TMCO4: variants seen among roughly 807,000 people sequenced by gnomAD.
The protein encoded by TMCO4 is transmembrane and coiled-coil domains 4, also known as transmembrane and coiled-coil domain-containing protein 4.
In TMCO4, 58 loss-of-function variants were observed where a neutral mutation model predicts 64.7. The ratio of observed to expected loss-of-function variants is 0.90; its 90% confidence interval spans 0.73 to 1.12. TMCO4 has a LOEUF of 1.12. TMCO4 is among the 50% of genes most tolerant of loss of function. The probability of loss-of-function intolerance (pLI) is 0.00; values close to 1 mark genes in which losing one functional copy is unlikely to be tolerated. For missense variants in TMCO4, 780 were observed against 825.9 expected, an observed-to-expected ratio of 0.94 and a Z score of 0.68; for synonymous variants, 325 against 346.1, an observed-to-expected ratio of 0.94 and a Z score of 0.68.
intron 3 of TMCO4, 144 bp from the exon 4 acceptor site, chr1:19,780,910 G>C (rs2043442338): frequency 1.5e-6 from 1 of 680,570 alleles, no homozygotes; most frequent in Non-Finnish European, 2.4e-6. Flanking sequence ...CTTTAGGAGA[G>C]TGAGAACACA....
intron 13 of TMCO4, among the ~76,000 whole-genome samples, chr1:19,726,218 C>T (rs935223803): frequency 1.3e-5 from 2 of 152,122 alleles, no homozygotes; most frequent in South Asian, 2.1e-4. Context: ...TGTAACCCAA[C>T]GTGGTGAGCT....
In TMCO4 at chr1:19,743,319, T is replaced by C. The variant is rs13374637; in HGVS notation, c.877+2213A>G. On this transcript the variant is annotated intron_variant, in intron 10 of 15. Coordinates refer to ENST00000294543, the MANE Select transcript of TMCO4 (RefSeq NM_181719.7). The surrounding 1 kb of genome is among the most constrained non-coding windows in gnomAD (Gnocchi z 4.1). Reference sequence around the variant, plus strand: ...CCAGTGCATAGGAAGGGCTTGGTGGTTGGCTACAAAGTTTTTATCTTTATT... The same window carrying C: ...CCAGTGCATAGGAAGGGCTTGGTGGCTGGCTACAAAGTTTTTATCTTTATT... Among the ~76,000 whole-genome samples the C allele has an allele frequency of 8.9e-3, 1,349 of 152,258 alleles. 12 individuals carry two copies. Among genetic ancestry groups the C allele is most frequent in the African/African-American group, 0.029 (1,195 of 41,538 alleles).
intron 3 of TMCO4, among the ~76,000 whole-genome samples, chr1:19,786,292 G>GACA (rs2043740509): frequency 6.6e-6 from 1 of 151,984 alleles, no homozygotes; most frequent in South Asian, 2.1e-4. Flanking sequence ...AGAAAAAACA[G>GACA]ACAACAACAA....
chr1:19,705,507 C>A (rs1007898283), intron 13 of TMCO4, among the ~76,000 whole-genome samples: 1 of 149,352 alleles, frequency 6.7e-6, no homozygotes, highest in African/African-American at 2.5e-5. Context: ...ACACAATAGT[C>A]GATGAGATAA....
chr1:19,683,527 T>G, intron 15 of TMCO4, 83 bp from the exon 16 acceptor site: 1 of 1,505,970 alleles, frequency 6.6e-7, no homozygotes, highest in Non-Finnish European at 9.0e-7. Flanking sequence ...CTTCTGGGCC[T>G]CAGCCTTGCC....
At chr1:19,685,187 A>T (rs1348545797) in intron 15 of TMCO4, among the ~76,000 whole-genome samples, 1 of 152,196 alleles carries the variant, frequency 6.6e-6, no homozygotes, top group Non-Finnish European at 1.5e-5. Flanking sequence ...TTAGCTGGGC[A>T]TGGTGGCGTG....
At chr1:19,765,821 A>G (rs1158072741) in intron 6 of TMCO4, among the ~76,000 whole-genome samples, 3 of 152,184 alleles carry the variant, frequency 2.0e-5, no homozygotes, top group African/African-American at 7.2e-5. Flanking sequence ...GTTCTGAGAA[A>G]TGCAGCTTTT....
chr1:19,772,231 C>G (rs890761396), intron 4 of TMCO4, among the ~76,000 whole-genome samples: 3 of 152,214 alleles, frequency 2.0e-5, no homozygotes, highest in Non-Finnish European at 4.4e-5. Context: ...CCGGATCCAC[C>G]TGCAGAAGTG....
chr1:19,692,635 T>C (rs2095205375), intron 15 of TMCO4, among the ~76,000 whole-genome samples: 1 of 150,058 alleles, frequency 6.7e-6, no homozygotes, highest in Admixed American at 6.6e-5. Context: ...TAATCCCAGC[T>C]ATTTGGGAGG....
intron 9 of TMCO4, 42 bp from the exon 10 acceptor site, chr1:19,745,693 G>A: frequency 6.4e-7 from 1 of 1,567,396 alleles, no homozygotes; most frequent in Non-Finnish European, 8.7e-7. Context: ...GGTGACTGGG[G>A]CCCCGGGGAA....
intron 7 of TMCO4, among the ~76,000 whole-genome samples, chr1:19,753,551 T>C (rs1247220819): frequency 6.6e-6 from 1 of 152,140 alleles, no homozygotes; most frequent in Non-Finnish European, 1.5e-5. Flanking sequence ...AGAGTCACCT[T>C]GGTCGGCCCA....
intron 15 of TMCO4, among the ~76,000 whole-genome samples, chr1:19,691,413 G>A (rs1439836413): frequency 1.3e-5 from 2 of 152,214 alleles, no homozygotes; most frequent in African/African-American, 4.8e-5. Context: ...CCTCTGGGCA[G>A]GGACATGGCT....
At chr1:19,697,765 A>AT (rs2100593837) in intron 14 of TMCO4, among the ~76,000 whole-genome samples, 1 of 134,332 alleles carries the variant, frequency 7.4e-6, no homozygotes, top group Non-Finnish European at 1.6e-5. Context: ...TGCCTGGCTA[A>AT]TTTTTGTATT....
rs2041646235 is a variant in TMCO4, at chr1:19,743,899, C to G, written c.877+1633G>C. 6.6e-6 allele frequency among the ~76,000 whole-genome samples: 1 copy of G among 152,144 alleles called. No individual in the cohort carries two copies. The highest frequency in any genetic ancestry group is 2.4e-5 in the African/African-American group (1 of 41,424). ...TGAAGTTTCTAGGAGGTAACCATAC[C>G]AAGTTCCTACTATGCTGGTAAAATG... On this transcript the variant is annotated intron_variant, in intron 10 of 15. Transcript: ENST00000294543. This position sits in a 1 kb window ranked among gnomAD's most constrained non-coding sequence, Gnocchi z 4.1.
At chr1:19,740,704 A>C in intron 11 of TMCO4, 73 bp downstream of exon 11, 2 of 1,520,708 alleles carry the variant, frequency 1.3e-6, no homozygotes, top group Non-Finnish European at 1.8e-6. Flanking sequence ...TGGGCATGCA[A>C]AACTATGGTA....
intron 15 of TMCO4, among the ~76,000 whole-genome samples, chr1:19,689,082 C>T (rs560514979): frequency 4.6e-5 from 7 of 152,206 alleles, no homozygotes; most frequent in East Asian, 1.9e-4. Flanking sequence ...GGCCCTGCTG[C>T]GTGGTTGGCC....
At chr1:19,701,000 G>T in intron 13 of TMCO4, 115 bp from the exon 14 acceptor site, 1 of 784,596 alleles carries the variant, frequency 1.3e-6, no homozygotes, top group South Asian at 1.7e-5. Flanking sequence ...GCACACACGT[G>T]AACGTGGACA....
At chr1:19,697,112 G>A (rs867313335) in intron 14 of TMCO4, among the ~76,000 whole-genome samples, 10 of 152,324 alleles carry the variant, frequency 6.6e-5, no homozygotes, top group African/African-American at 1.7e-4. Context: ...GACTATTAGC[G>A]CCTGTGCTGG....
chr1:19,788,930 C>T (rs1200891046), intron 2 of TMCO4, among the ~76,000 whole-genome samples: 1 of 151,998 alleles, frequency 6.6e-6, no homozygotes, highest in African/African-American at 2.4e-5. Flanking sequence ...AACAAATTAG[C>T]CAGGTGTGCT....
Sources: gnomAD v4.1 joint callset for allele counts (sites outside exome capture counted in the v4.1 genomes callset) on GRCh38, gnomAD v4.1.1 for gene constraint, Gnocchi (gnomAD v3.1) non-coding constraint, MANE v1.5 for transcripts, NCBI Gene and HGNC (gene_info 2026-07-23, HGNC 2026-07-21) for gene names.